The following ADAMTS2 variants were observed in gnomAD, a reference collection of about 807,000 sequenced individuals.
The protein encoded by ADAMTS2 is ADAM metallopeptidase with thrombospondin type 1 motif 2, also known as A disintegrin and metalloproteinase with thrombospondin motifs 2.
A neutral mutation model predicts 123.0 loss-of-function variants in ADAMTS2; 50 were observed. That is an observed-to-expected ratio of 0.41 (90% confidence interval 0.32 to 0.51). The LOEUF (loss-of-function observed/expected upper bound fraction) is 0.51. Ranked by LOEUF, ADAMTS2 falls within the 20% of genes least tolerant of loss-of-function variation. The pLI, the probability that ADAMTS2 is intolerant of heterozygous loss-of-function variation, is 0.35. For synonymous variants in ADAMTS2, 678 were observed against 695.4 expected (o/e 0.98, Z 0.39); for missense variants, 1,494 against 1,705.2 (o/e 0.88, Z 2.18).
intron 3 of ADAMTS2, among the ~76,000 whole-genome samples, chr5:179,270,985 A>G (rs1480537138): frequency 6.6e-6 from 1 of 152,094 alleles, no homozygotes; most frequent in African/African-American, 2.4e-5. Context: ...CTCCTCCCCG[A>G]CAGCCCATTA....
chr5:179,278,141 ACCCC>A (rs1221610466), intron 2 of ADAMTS2, among the ~76,000 whole-genome samples: 1 of 16,030 alleles, frequency 6.2e-5, no homozygotes. Context: ...CCAAAGGCTG[ACCCC>A]CCGCGAGACC....
At chr5:179,271,901 C>T (rs1377275183) in intron 3 of ADAMTS2, among the ~76,000 whole-genome samples, 1 of 152,144 alleles carries the variant, frequency 6.6e-6, no homozygotes, top group Non-Finnish European at 1.5e-5. Context: ...TAGTAAATCA[C>T]AGCACGGGGG....
In ADAMTS2 at chr5:179,142,256, C is replaced by G. The variant is rs571624390; in HGVS notation, c.1630-2221G>C. Among the ~76,000 whole-genome samples, 4 of 152,280 alleles carry G rather than the reference C, an allele frequency of 2.6e-5. No individual in the cohort carries two copies. In the South Asian group the frequency reaches 8.3e-4, roughly 32 times the overall value. ...AATAGCAACAAACAAAATGTTAAACCAGCTACAGGTTGAGTGTCCCTTATC... is the reference window on the plus strand; with the variant it reads ...AATAGCAACAAACAAAATGTTAAACGAGCTACAGGTTGAGTGTCCCTTATC... On this transcript the variant is annotated intron_variant, in intron 10 of 21. Transcript: ENST00000251582.
At chr5:179,289,150 C>T (rs1756113446) in intron 2 of ADAMTS2, among the ~76,000 whole-genome samples, 1 of 152,148 alleles carries the variant, frequency 6.6e-6, no homozygotes, top group Non-Finnish European at 1.5e-5. Context: ...ACACTCCCTG[C>T]TCAGAGACGG....
At chr5:179,269,072 G>A (rs1766454713) in intron 3 of ADAMTS2, among the ~76,000 whole-genome samples, 1 of 152,174 alleles carries the variant, frequency 6.6e-6, no homozygotes, top group Non-Finnish European at 1.5e-5. Context: ...CTTGCAAGAG[G>A]GAAGCACAGG....
At chr5:179,333,596 GTTTTT>G (rs1219136980) in intron 2 of ADAMTS2, among the ~76,000 whole-genome samples, 1 of 105,994 alleles carries the variant, frequency 9.4e-6, no homozygotes, top group African/African-American at 3.6e-5. Context: ...GTTTTTTTCT[GTTTTT>G]TTTTTTTTTT....
intron 3 of ADAMTS2, among the ~76,000 whole-genome samples, chr5:179,219,790 C>T (rs960607412): frequency 6.6e-6 from 1 of 152,064 alleles, no homozygotes; most frequent in Admixed American, 6.5e-5. Flanking sequence ...GGGCTGGGGC[C>T]TCCTGTCTAC....
In ADAMTS2 at chr5:179,129,788, G is replaced by C. The variant is rs1433752567; in HGVS notation, c.2457+144C>G. On this transcript the variant is annotated intron_variant, in intron 16 of 21. Coordinates refer to ENST00000251582, the MANE Select transcript of ADAMTS2 (RefSeq NM_014244.5). This position sits in a 1 kb window ranked among gnomAD's most constrained non-coding sequence, Gnocchi z 4.1. The stretch of plus-strand genomic sequence containing the variant: ...TCCCTTCCTGGCTCTGACCAAGTCG[G>C]AGCCCCTTGGTGCCAAAGGCAGGCC... The C allele has an allele frequency of 3.6e-6, 4 of 1,103,816 alleles. No individual in the cohort carries two copies. The highest frequency in any genetic ancestry group is 3.0e-5 in the South Asian group (2 of 66,286). 68.4% of individuals were successfully genotyped at this position (1,103,816 alleles called of 1,614,324 possible).
chr5:179,265,490 G>C (rs40141), intron 3 of ADAMTS2, among the ~76,000 whole-genome samples: 14,838 of 152,194 alleles, frequency 0.097, 788 homozygotes, highest in East Asian at 0.21. Flanking sequence ...AATAAGGGGG[G>C]CCCAGCCCTC....
At chr5:179,344,726 G>C (rs1352252210) in intron 1 of ADAMTS2, among the ~76,000 whole-genome samples, 2 of 152,212 alleles carry the variant, frequency 1.3e-5, no homozygotes, top group East Asian at 1.9e-4. Context: ...GAGCGCCCGA[G>C]GACTGGGAGG....
Position 179,345,114 on chromosome 5 carries a change from G to C in ADAMTS2, c.139+76C>G. ...CCAAGTCAGGCTGGACGACGCCTGG[G>C]GAGGGGGCGGCGGGGCACGCGGGAC... is the stretch of plus-strand genomic sequence containing the variant. On this transcript the variant is annotated intron_variant, in intron 1 of 21. Transcript: ENST00000251582. This position sits in a 1 kb window ranked among gnomAD's most constrained non-coding sequence, Gnocchi z 7.5. 1 of 1,013,718 alleles carries C rather than the reference G, an allele frequency of 9.9e-7. No individual in the cohort carries two copies. Among genetic ancestry groups the C allele is most frequent in the Non-Finnish European group, 1.2e-6 (1 of 837,788 alleles). The allele number at this position is 1,013,718 out of a possible 1,614,324, so 62.8% of individuals were successfully genotyped here. A position where few individuals can be genotyped will look rare whatever the true frequency, so the allele number is the denominator to read the frequency against.
At chr5:179,215,379 C>T (rs904525678) in intron 3 of ADAMTS2, among the ~76,000 whole-genome samples, 4 of 152,176 alleles carry the variant, frequency 2.6e-5, no homozygotes, top group African/African-American at 4.8e-5. Flanking sequence ...ACCGGGGAGG[C>T]GGAGGCTGTG....
At chr5:179,146,184 A>C (rs2113233921) in intron 10 of ADAMTS2, among the ~76,000 whole-genome samples, 1 of 152,352 alleles carries the variant, frequency 6.6e-6, no homozygotes, top group Admixed American at 6.5e-5. Flanking sequence ...ATTTAAATAT[A>C]GATCTCACCT....
chr5:179,258,472 C>G (rs1231117078), intron 3 of ADAMTS2, among the ~76,000 whole-genome samples: 1 of 152,154 alleles, frequency 6.6e-6, no homozygotes, highest in African/African-American at 2.4e-5. Flanking sequence ...CTGGCCACCC[C>G]AGCCTCGGCC....
chr5:179,260,701 C>T lies in ADAMTS2; in HGVS notation c.688+12210G>A, dbSNP rs1766194964. On this transcript the variant is annotated intron_variant, in intron 3 of 21. Coordinates refer to ENST00000251582, the MANE Select transcript of ADAMTS2 (RefSeq NM_014244.5). This position sits in a 1 kb window ranked among gnomAD's most constrained non-coding sequence, Gnocchi z 4.2. Reference sequence around the variant, plus strand: ...ACCGTCGGCACCTCAGTTTCCTCATCTGTAACGTGGGCACAGCAAAAGCAC... The same window carrying T: ...ACCGTCGGCACCTCAGTTTCCTCATTTGTAACGTGGGCACAGCAAAAGCAC... Among the ~76,000 whole-genome samples the T allele has an allele frequency of 6.6e-6, 1 of 152,234 alleles. No homozygotes were observed. Among genetic ancestry groups the T allele is most frequent in the African/African-American group, 2.4e-5 (1 of 41,456 alleles).
chr5:179,172,461 C>T (rs1763842538), intron 5 of ADAMTS2, among the ~76,000 whole-genome samples: 1 of 152,206 alleles, frequency 6.6e-6, no homozygotes, highest in South Asian at 2.1e-4. Context: ...CCAAGGAGGC[C>T]CTGGCCAGGA....
chr5:179,288,482 T>C (rs2113539650), intron 2 of ADAMTS2, among the ~76,000 whole-genome samples: 1 of 152,350 alleles, frequency 6.6e-6, no homozygotes, highest in East Asian at 1.9e-4. Context: ...CAGGCTGCTC[T>C]GCAGGCCTTC....
At chr5:179,237,956 G>A (rs530189214) in intron 3 of ADAMTS2, among the ~76,000 whole-genome samples, 3 of 152,146 alleles carry the variant, frequency 2.0e-5, no homozygotes, top group Non-Finnish European at 4.4e-5. Flanking sequence ...TGAGAACGGC[G>A]GTGTTAAAGG....
At chr5:179,231,955 G>C (rs1765421342) in intron 3 of ADAMTS2, among the ~76,000 whole-genome samples, 1 of 151,190 alleles carries the variant, frequency 6.6e-6, no homozygotes, top group Non-Finnish European at 1.5e-5. Flanking sequence ...AAAAAAAAAA[G>C]AGGAAATTAG....
Sources: gnomAD v4.1 joint callset for allele counts (sites outside exome capture counted in the v4.1 genomes callset) on GRCh38, gnomAD v4.1.1 for gene constraint, Gnocchi (gnomAD v3.1) non-coding constraint, MANE v1.5 for transcripts, NCBI Gene and HGNC (gene_info 2026-07-23, HGNC 2026-07-21) for gene names.